The following KAT2B variants were observed in gnomAD, a reference collection of about 807,000 sequenced individuals.
The protein encoded by KAT2B is histone acetyltransferase KAT2B.
KAT2B carries 36 observed loss-of-function variants against 105.9 expected under a neutral mutation model. The observed-to-expected ratio is 0.34, with a 90% CI of 0.26 to 0.45. The LOEUF (loss-of-function observed/expected upper bound fraction) is 0.45. KAT2B is among the 20% of genes least tolerant of loss of function. The pLI, the probability that KAT2B is intolerant of heterozygous loss-of-function variation, is 1.00. For synonymous variants in KAT2B, 397 were observed against 377.9 expected (o/e 1.05, Z -0.59); for missense variants, 820 against 1,021.6 (o/e 0.80, Z 2.69).
At chr3:20,062,316 T>A (rs1355972891) in intron 1 of KAT2B, among the ~76,000 whole-genome samples, 2 of 99,132 alleles carry the variant, frequency 2.0e-5, no homozygotes, top group African/African-American at 3.9e-5. Flanking sequence ...ATAATATATA[T>A]AAAATATTTA....
At chr3:20,067,088 A>C (rs886473593) in intron 1 of KAT2B, among the ~76,000 whole-genome samples, 3 of 152,008 alleles carry the variant, frequency 2.0e-5, no homozygotes, top group African/African-American at 7.3e-5. Context: ...CATTCCTCTT[A>C]GTTTTCAGGG....
chr3:20,052,335 A>G (rs1697929437), intron 1 of KAT2B, among the ~76,000 whole-genome samples: 1 of 152,230 alleles, frequency 6.6e-6, no homozygotes, highest in Admixed American at 6.5e-5. Flanking sequence ...AAGCTCCATG[A>G]AGCGGAGATT....
At position 20,137,050 on chromosome 3, in the gene KAT2B, C is replaced by CCAACCTGTTTCTTAA; in HGVS notation, c.1858_1859insCAACCTGTTTCTTAA (p.Gln620delinsProThrCysPheLeuLys). ...ATATGCAATTGGATACTTTAAGAAA[C>CCAACCTGTTTCTTAA]AGGTTGGTTTCTCACCACGCAACAC... On this transcript the variant is annotated protein_altering_variant and splice_region_variant, in exon 12 of 18. Transcript: ENST00000263754. The CCAACCTGTTTCTTAA allele has an allele frequency of 6.5e-7, 1 of 1,527,376 alleles. No individual in the cohort carries two copies. Among genetic ancestry groups the CCAACCTGTTTCTTAA allele is most frequent in the Non-Finnish European group, 9.1e-7 (1 of 1,101,324 alleles). The allele number at this position is 1,527,376 out of a possible 1,614,324, so 94.6% of individuals were successfully genotyped here. A position where few individuals can be genotyped will look rare whatever the true frequency, so the allele number is the denominator to read the frequency against.
In KAT2B at chr3:20,076,833, ATTG is replaced by A. The variant is rs1303267428; in HGVS notation, c.430+4380_430+4382del. On this transcript the variant is annotated intron_variant, in intron 2 of 17. Transcript: ENST00000263754. ...CTCAAATACATTTCAGTTGGTATAC[ATTG>A]TTGTTCTGTTTTCACATACAGTAGT... Among the ~76,000 whole-genome samples, 3 of 152,302 alleles carry A rather than the reference ATTG, an allele frequency of 2.0e-5. No homozygotes were observed. In the East Asian group the frequency reaches 5.8e-4, roughly 29 times the overall value.
At chr3:20,133,415 C>T (rs1699545227) in intron 11 of KAT2B, among the ~76,000 whole-genome samples, 1 of 58,522 alleles carries the variant, frequency 1.7e-5, no homozygotes, top group Admixed American at 1.9e-4. Flanking sequence ...TACTCAGTAG[C>T]TACATGTGAC....
intron 14 of KAT2B, 25 bp downstream of exon 14, chr3:20,146,455 G>T (rs764817661): frequency 1.4e-6 from 2 of 1,409,344 alleles, no homozygotes; most frequent in African/African-American, 2.9e-5. Context: ...TCTTTTAAAA[G>T]CGAAATTTTT....
At chr3:20,042,417 T>C (rs1697735973) in intron 1 of KAT2B, among the ~76,000 whole-genome samples, 1 of 152,144 alleles carries the variant, frequency 6.6e-6, no homozygotes, top group African/African-American at 2.4e-5. Context: ...GGGCGAGCTA[T>C]GTACAGAATT....
intron 17 of KAT2B, among the ~76,000 whole-genome samples, chr3:20,151,477 CAT>C (rs773719527): frequency 9.9e-5 from 15 of 151,948 alleles, no homozygotes; most frequent in South Asian, 6.2e-4. Flanking sequence ...TTTTTCCACA[CAT>C]AGTTAATACA....
chr3:20,147,769 C>T (rs981747652), intron 14 of KAT2B, among the ~76,000 whole-genome samples, 194 bp from the exon 15 acceptor site: 3 of 152,222 alleles, frequency 2.0e-5, no homozygotes, highest in Non-Finnish European at 2.9e-5. Flanking sequence ...TATGGGGCAG[C>T]GTTGTTAGTC....
In KAT2B at chr3:20,154,359, G is replaced by A. The variant is rs928102863; in HGVS notation, c.*1834G>A. ...TTTACATTTGTAAAATTAATATATT[G>A]TACTGGTACAAAATAGTTTTAAATT... On this transcript the variant is annotated 3_prime_UTR_variant, in exon 18 of 18. Coordinates refer to ENST00000263754, the MANE Select transcript of KAT2B (RefSeq NM_003884.5). 3 of 152,466 alleles carry A rather than the reference G, an allele frequency of 2.0e-5. No individual in the cohort carries two copies. Among genetic ancestry groups the A allele is most frequent in the East Asian group, 1.9e-4 (1 of 5,196 alleles). The allele number at this position is 152,466 out of a possible 1,614,324, so 9.4% of individuals were successfully genotyped here.
chr3:20,078,616 C>T (rs1003305175), intron 2 of KAT2B, among the ~76,000 whole-genome samples: 3 of 151,660 alleles, frequency 2.0e-5, no homozygotes, highest in South Asian at 2.1e-4. Context: ...TGAGGTCAAG[C>T]GATCTGCCCA....
chr3:20,124,991 T>C (rs929156527), intron 9 of KAT2B, among the ~76,000 whole-genome samples: 1 of 152,102 alleles, frequency 6.6e-6, no homozygotes, highest in Admixed American at 6.5e-5. Flanking sequence ...ACAGATATTC[T>C]CTGGAAAGAA....
At chr3:20,109,638 C>T (rs1343665732) in intron 5 of KAT2B, among the ~76,000 whole-genome samples, 6 of 152,084 alleles carry the variant, frequency 3.9e-5, no homozygotes, top group African/African-American at 1.4e-4. Context: ...ATTCTTTTAA[C>T]TTAATTAAGT....
In KAT2B at chr3:20,152,244, A is replaced by C. The variant is rs554280050; in HGVS notation, c.2306-88A>C. 16 of 821,170 alleles carry C rather than the reference A, an allele frequency of 1.9e-5. No homozygotes were observed. In the South Asian group the frequency reaches 2.9e-4, roughly 15 times the overall value. The allele number at this position is 821,170 out of a possible 1,614,324, so 50.9% of individuals were successfully genotyped here. ...GGATGATAAAAATGTAATCAAACCA[A>C]CAACATAGATTCCTTTCCCAGTCCC... On this transcript the variant is annotated intron_variant, in intron 17 of 17. Transcript: ENST00000263754.
intron 10 of KAT2B, among the ~76,000 whole-genome samples, chr3:20,126,686 G>A (rs1699410296): frequency 6.6e-6 from 1 of 151,936 alleles, no homozygotes; most frequent in African/African-American, 2.4e-5. Flanking sequence ...GCCAGGCCTG[G>A]TGACACATGC....
At chr3:20,101,209 A>C in intron 4 of KAT2B, 78 bp from the exon 5 acceptor site, 1 of 1,178,476 alleles carries the variant, frequency 8.5e-7, no homozygotes, top group Non-Finnish European at 1.2e-6. Flanking sequence ...ATAACCACCA[A>C]TCATGCTGGC....
chr3:20,070,309 C>CTT (rs66606824), intron 1 of KAT2B, among the ~76,000 whole-genome samples: 3 of 86,512 alleles, frequency 3.5e-5, no homozygotes, highest in Non-Finnish European at 4.8e-5. Context: ...TTCTTTCTTT[C>CTT]TTTTTTTTTT....
chr3:20,118,233 A>C (rs1483706653), intron 7 of KAT2B, among the ~76,000 whole-genome samples: 1 of 146,592 alleles, frequency 6.8e-6, no homozygotes, highest in Non-Finnish European at 1.5e-5. Context: ...GTAAATATGT[A>C]AATATATTTA....
chr3:20,059,273 C>T (rs559294134), intron 1 of KAT2B, among the ~76,000 whole-genome samples: 224 of 151,610 alleles, frequency 1.5e-3, no homozygotes, highest in Non-Finnish European at 2.6e-3. Context: ...ATTAGCCAGG[C>T]GTGGTGGCAT....
Sources: allele counts gnomAD v4.1 joint callset (sites outside exome capture counted in the v4.1 genomes callset), GRCh38; gene constraint gnomAD v4.1.1; transcripts MANE v1.5; gene names NCBI Gene and HGNC (gene_info 2026-07-23, HGNC 2026-07-21).